Variants in TOP1 observed in about 807,000 individuals in gnomAD.
TOP1 encodes DNA topoisomerase I, also known as DNA topoisomerase 1.
TOP1 carries 10 observed loss-of-function variants against 111.1 expected under a neutral mutation model. That is an observed-to-expected ratio of 0.09 (90% CI 0.06 to 0.15). The LOEUF (loss-of-function observed/expected upper bound fraction) is 0.15, where lower values mean the gene tolerates loss of function less well. Among genes scored for constraint, TOP1 ranks in the 10% least tolerant of loss-of-function variants. The probability of loss-of-function intolerance (pLI) is 1.00; values close to 1 mark genes in which losing one functional copy is unlikely to be tolerated. For synonymous variants in TOP1, 271 were observed against 302.9 expected, an observed-to-expected ratio of 0.89 and a Z score of 1.10; for missense variants, 474 against 926.7, an observed-to-expected ratio of 0.51 and a Z score of 6.34.
At position 41,081,203 on chromosome 20, in the gene TOP1, C is replaced by T. The variant is rs1435361740; in HGVS notation, c.470C>T (p.Thr157Ile). The part of the protein sequence containing the change: ...YKPKKIKTED[T>I]KKEKKRKLEE... Reference sequence around the variant, plus strand: ...CCTAAGAAAATTAAAACAGAAGATACCAAGAAGGAGAAGAAAAGAAAACTA... The same window carrying T: ...CCTAAGAAAATTAAAACAGAAGATATCAAGAAGGAGAAGAAAAGAAAACTA... Residue 157 changes from threonine (T) to isoleucine (I), a missense_variant, in exon 7 of 21, where the codon ACC (threonine) becomes ATC (isoleucine). Around this residue, in one of 14 missense-constraint regions of TOP1, gnomAD observed 185 missense variants for 226.3 expected, o/e 0.82. Coordinates refer to ENST00000361337, the MANE Select transcript of TOP1 (RefSeq NM_003286.4). 6.3e-7 allele frequency: 1 copy of T among 1,599,116 alleles called. No individual in the cohort carries two copies. The highest frequency in any genetic ancestry group is 1.7e-5 in the Admixed American group (1 of 59,324).
intron 2 of TOP1, among the ~76,000 whole-genome samples, chr20:41,054,431 G>A (rs1231423740): frequency 1.3e-5 from 2 of 152,142 alleles, no homozygotes; most frequent in Non-Finnish European, 1.5e-5. Context: ...AGAACTGTGA[G>A]TCAATTAAAC....
At chr20:41,039,949 G>A (rs949347573) in intron 2 of TOP1, among the ~76,000 whole-genome samples, 1 of 152,154 alleles carries the variant, frequency 6.6e-6, no homozygotes, top group Non-Finnish European at 1.5e-5. Flanking sequence ...TGAGCAGGTA[G>A]GTTGTCGGAA....
At chr20:41,065,530 A>ATTATT (rs2033596503) in intron 3 of TOP1, among the ~76,000 whole-genome samples, 1 of 152,202 alleles carries the variant, frequency 6.6e-6, no homozygotes, top group Non-Finnish European at 1.5e-5. Flanking sequence ...AATTCACTAA[A>ATTATT]TAATAACTTT....
rs772283726 is a variant in TOP1, at chr20:41,046,009, A to AAGCTC, written c.59-15385_59-15384insAGCTC. Among the ~76,000 whole-genome samples the AAGCTC allele has an allele frequency of 3.0e-4, 45 of 152,346 alleles. No individual in the cohort carries two copies. Among genetic ancestry groups the AAGCTC allele is most frequent in the South Asian group, 6.2e-4 (3 of 4,832 alleles). ...TGACCACTATGAGGACCACTGTCAT[A>AAGCTC]TAAGGTCTTAGATACCAACTTGAGT... On this transcript the variant is annotated intron_variant, in intron 2 of 20. Coordinates refer to ENST00000361337, the MANE Select transcript of TOP1 (RefSeq NM_003286.4). The surrounding 1 kb of genome is among the most constrained non-coding windows in gnomAD (Gnocchi z 4.3).
At chr20:41,075,467 A>G (rs1292015568) in intron 3 of TOP1, among the ~76,000 whole-genome samples, 1 of 152,226 alleles carries the variant, frequency 6.6e-6, no homozygotes, top group African/African-American at 2.4e-5. Flanking sequence ...CACCGCGCCC[A>G]GCCCAAAATA....
rs1449901896 is a variant in TOP1, at chr20:41,046,243, G to C, written c.59-15151G>C. ...AGTTAACATTACTATTTCCAGTAAT[G>C]TTCACTGGGCCAGTTTACTTTTGAA... On this transcript the variant is annotated intron_variant, in intron 2 of 20. Coordinates refer to ENST00000361337, the MANE Select transcript of TOP1 (RefSeq NM_003286.4). This position sits in a 1 kb window ranked among gnomAD's most constrained non-coding sequence, Gnocchi z 4.3. Among the ~76,000 whole-genome samples, 1 of 152,132 alleles carries C rather than the reference G, an allele frequency of 6.6e-6. No homozygotes were observed. The highest frequency in any genetic ancestry group is 1.5e-5 in the Non-Finnish European group (1 of 68,016).
intron 2 of TOP1, among the ~76,000 whole-genome samples, chr20:41,033,035 G>A (rs1334650973): frequency 6.6e-6 from 1 of 152,158 alleles, no homozygotes; most frequent in Non-Finnish European, 1.5e-5. Context: ...GAATTAGTGA[G>A]CCGCTAGGAT....
chr20:41,099,214 GC>G (rs1362970451), intron 11 of TOP1, among the ~76,000 whole-genome samples: 1 of 152,160 alleles, frequency 6.6e-6, no homozygotes, highest in African/African-American at 2.4e-5. Context: ...AAAAATTAAT[GC>G]ATTACTATAA....
At position 41,075,057 on chromosome 20, in the gene TOP1, G is replaced by A. The variant is rs999632852; in HGVS notation, c.156-1114G>A. On this transcript the variant is annotated intron_variant, in intron 3 of 20. Transcript: ENST00000361337. ...CAGTTAAATAATTTGATATATTACA[G>A]TTTCCCCTCTTGTTAGGTGTATCCA... is the stretch of plus-strand genomic sequence containing the variant. 2.6e-5 allele frequency among the ~76,000 whole-genome samples: 4 copies of A among 152,126 alleles called. No individual in the cohort carries two copies. In the South Asian group the frequency reaches 6.2e-4, roughly 24 times the overall value.
At position 41,113,860 on chromosome 20, in the gene TOP1, C is replaced by A. The variant is rs1409594685; in HGVS notation, c.1453-110C>A. 5 of 888,462 alleles carry A rather than the reference C, an allele frequency of 5.6e-6. No individual in the cohort carries two copies. In the East Asian group the frequency reaches 8.1e-5, roughly 14 times the overall value. 55.0% of individuals were successfully genotyped at this position (888,462 alleles called of 1,614,324 possible). ...ATTGCGCCATTGCACTCTAGCCTGG[C>A]GACAGAGCGAGACTGTCTCAAAAAA... On this transcript the variant is annotated intron_variant, in intron 14 of 20. Transcript: ENST00000361337.
intron 3 of TOP1, among the ~76,000 whole-genome samples, chr20:41,062,667 C>T (rs569506539): frequency 3.3e-5 from 5 of 152,270 alleles, no homozygotes; most frequent in South Asian, 4.1e-4. Flanking sequence ...ATTAGGAGAA[C>T]ATAGCAGTTA....
At chr20:41,062,088 T>G (rs1290726246) in intron 3 of TOP1, among the ~76,000 whole-genome samples, 1 of 152,224 alleles carries the variant, frequency 6.6e-6, no homozygotes, top group Non-Finnish European at 1.5e-5. Flanking sequence ...AGATGTTTCT[T>G]TTGTTCATTT....
At chr20:41,089,017 GTTCT>G (rs1331394576) in intron 8 of TOP1, among the ~76,000 whole-genome samples, 15 of 69,272 alleles carry the variant, frequency 2.2e-4, no homozygotes, top group South Asian at 4.2e-4. Flanking sequence ...TGTTGCCCCA[GTTCT>G]TTTTTTTTTT....
At position 41,121,680 on chromosome 20, in the gene TOP1, C is replaced by T. The variant is rs765314680; in HGVS notation, c.1951-16C>T. The T allele has an allele frequency of 1.2e-5, 20 of 1,607,840 alleles. No homozygotes were observed. The highest frequency in any genetic ancestry group is 1.7e-4 in the Middle Eastern group (1 of 6,030). ...TCCTCTACAGCTCATAACCTTACCA[C>T]TATTATTTCCCCTAGATTGATGCCA... On this transcript the variant is annotated splice_polypyrimidine_tract_variant and intron_variant, in intron 18 of 20. Transcript: ENST00000361337. This position sits in a 1 kb window ranked among gnomAD's most constrained non-coding sequence, Gnocchi z 4.2.
At chr20:41,088,025 T>C (rs1170379069) in intron 8 of TOP1, among the ~76,000 whole-genome samples, 1 of 152,236 alleles carries the variant, frequency 6.6e-6, no homozygotes, top group Non-Finnish European at 1.5e-5. Flanking sequence ...TAATAATAGC[T>C]GTCAGCCCAG....
intron 8 of TOP1, among the ~76,000 whole-genome samples, chr20:41,086,224 C>T (rs1242860323): frequency 6.6e-6 from 1 of 151,478 alleles, no homozygotes; most frequent in Non-Finnish European, 1.5e-5. Context: ...GATCACGCCA[C>T]CGCACTCCAG....
chr20:41,036,711 G>T (rs1285618625), intron 2 of TOP1, among the ~76,000 whole-genome samples: 1 of 152,078 alleles, frequency 6.6e-6, no homozygotes, highest in Non-Finnish European at 1.5e-5. Flanking sequence ...TTACCTAATT[G>T]AATCAGCAGA....
rs1027048194 is a variant in TOP1 at position 41,102,430 on chromosome 20, C to T, written c.1308+1077C>T. On this transcript the variant is annotated intron_variant, in intron 13 of 20. Transcript: ENST00000361337. This position sits in a 1 kb window ranked among gnomAD's most constrained non-coding sequence, Gnocchi z 4.0. ...TTCGAGACCAGCCTGGACAACATGG[C>T]GAAACCCTGTCTCTACTAAAAATAC... Among the ~76,000 whole-genome samples the T allele has an allele frequency of 3.3e-5, 5 of 151,988 alleles. No individual in the cohort carries two copies. Among genetic ancestry groups the T allele is most frequent in the Admixed American group, 1.3e-4 (2 of 15,252 alleles).
In TOP1 at chr20:41,101,444, GA is replaced by G; in HGVS notation, c.1308+92del. The G allele has an allele frequency of 7.4e-7, 1 of 1,352,670 alleles. No individual in the cohort carries two copies. The highest frequency in any genetic ancestry group is 2.5e-5 in the East Asian group (1 of 40,332). 83.8% of individuals were successfully genotyped at this position (1,352,670 alleles called of 1,614,324 possible). On this transcript the variant is annotated intron_variant, in intron 13 of 20. Transcript: ENST00000361337. This position sits in a 1 kb window ranked among gnomAD's most constrained non-coding sequence, Gnocchi z 4.1. ...CGTTCTCGTCCTCTAGAATCACTTTGACAAATTAAAAATCCTCCCCATTGAA... is the reference window on the plus strand; with the variant it reads ...CGTTCTCGTCCTCTAGAATCACTTTGCAAATTAAAAATCCTCCCCATTGAA...
Sources: gnomAD v4.1 joint callset for allele counts (sites outside exome capture counted in the v4.1 genomes callset) on GRCh38, gnomAD v4.1.1 for gene constraint, gnomAD v4.1.1 regional missense constraint, Gnocchi (gnomAD v3.1) non-coding constraint, MANE v1.5 for transcripts, NCBI Gene and HGNC (gene_info 2026-07-23, HGNC 2026-07-21) for gene names.